SVIL: variants seen among roughly 807,000 people sequenced by gnomAD.
SVIL encodes the protein archvillin.
Under a neutral mutation model 240.4 loss-of-function variants are expected in SVIL, and 101 were observed. That is an observed-to-expected ratio of 0.42 (90% CI 0.36 to 0.50). The LOEUF is 0.50. Ranked by LOEUF, SVIL falls within the 20% of genes least tolerant of loss-of-function variation. The pLI is 0.01. For missense variants in SVIL, 2,512 were observed against 2,818.7 expected, an observed-to-expected ratio of 0.89 and a Z score of 2.46; for synonymous variants, 999 against 1,100.0, an observed-to-expected ratio of 0.91 and a Z score of 1.82.
chr10:29,604,786 C>T (rs1956956803), intron 1 of SVIL, among the ~76,000 whole-genome samples: 1 of 152,080 alleles, frequency 6.6e-6, no homozygotes, highest in Non-Finnish European at 1.5e-5. Flanking sequence ...CCAGGCTGGT[C>T]TTGAACCCCT....
chr10:29,608,902 G>A (rs572995792), intron 1 of SVIL, among the ~76,000 whole-genome samples: 33 of 152,290 alleles, frequency 2.2e-4, no homozygotes, highest in South Asian at 1.0e-3. Flanking sequence ...GGTGGAGTCC[G>A]CAACCTGGAG....
intron 1 of SVIL, among the ~76,000 whole-genome samples, chr10:29,726,338 G>C (rs898359217): frequency 3.3e-5 from 5 of 152,176 alleles, no homozygotes. Context: ...GATACATCCT[G>C]TCATTTATGG....
intron 12 of SVIL, 67 bp from the exon 13 acceptor site, chr10:29,527,123 G>A (rs1335971391): frequency 2.2e-6 from 3 of 1,374,332 alleles, no homozygotes; most frequent in Non-Finnish European, 2.0e-6. Context: ...ATTAAGGACA[G>A]CATAGTTTTA....
chr10:29,525,929 G>A (rs2132540397), intron 13 of SVIL, among the ~76,000 whole-genome samples: 1 of 152,272 alleles, frequency 6.6e-6, no homozygotes, highest in Non-Finnish European at 1.5e-5. Context: ...AACCAGGAGG[G>A]CAGGGAAACC....
intron 2 of SVIL, among the ~76,000 whole-genome samples, chr10:29,668,559 T>C (rs1589481240): frequency 6.6e-6 from 1 of 152,188 alleles, no homozygotes; most frequent in Non-Finnish European, 1.5e-5. Flanking sequence ...CTGCAACCAC[T>C]GTCTTCTGGG....
intron 1 of SVIL, among the ~76,000 whole-genome samples, chr10:29,618,098 C>T (rs1016211386): frequency 2.6e-5 from 4 of 152,170 alleles, no homozygotes; most frequent in African/African-American, 7.2e-5. Flanking sequence ...AGCTTGCTGA[C>T]GCAGGCAGCA....
intron 16 of SVIL, among the ~76,000 whole-genome samples, chr10:29,515,741 T>C (rs2505921): frequency 0.98 from 148,949 of 152,278 alleles, 72,857 homozygotes; most frequent in East Asian, 1. Flanking sequence ...TCATGAGCTC[T>C]GGTCTTTGAA....
intron 36 of SVIL, among the ~76,000 whole-genome samples, chr10:29,460,066 T>C (rs1944058886): frequency 6.6e-6 from 1 of 152,046 alleles, no homozygotes; most frequent in South Asian, 2.1e-4. Context: ...CACTGCAGCC[T>C]GGGTGACAAA....
At chr10:29,529,175 C>CAGAAAAAAAAAAAA (rs1491188568) in intron 12 of SVIL, among the ~76,000 whole-genome samples, 2 of 66,058 alleles carry the variant, frequency 3.0e-5, no homozygotes, top group African/African-American at 1.1e-4. Flanking sequence ...GACTCTCTCT[C>CAGAAAAAAAAAAAA]AAAAAAAAAA....
intron 2 of SVIL, among the ~76,000 whole-genome samples, chr10:29,668,578 A>G (rs1323114201): frequency 6.6e-6 from 1 of 152,154 alleles, no homozygotes; most frequent in Non-Finnish European, 1.5e-5. Context: ...GGTTCAAGCA[A>G]TTCTCCTGTC....
In SVIL at chr10:29,463,551, C is replaced by T. The variant is rs184409369; in HGVS notation, c.6218G>A (p.Arg2073His). The T allele has an allele frequency of 1.5e-5, 25 of 1,614,122 alleles. No individual in the cohort carries two copies. The highest frequency in any genetic ancestry group is 2.7e-5 in the African/African-American group (2 of 75,054). The change falls in exon 35 of 38, where the codon CGC (arginine) becomes CAC (histidine). Residue 2073 changes from arginine to histidine, a missense_variant. By Grantham distance (29) the Arg-to-His change is conservative (BLOSUM62 0). Around this residue, in one of 3 missense-constraint regions of SVIL, gnomAD observed 797 missense variants for 925.3 expected, o/e 0.86. Coordinates refer to ENST00000355867, the MANE Select transcript of SVIL (RefSeq NM_021738.3). ...CTTCCGGTCGGAGGCCCAGCGGATG[C>T]GGGCGGAACCAGTGATCTTGTTCTC... ...PIENKITGSA[R>H]IRWASDRKSA...
chr10:29,490,301 T>A (rs10826645), intron 22 of SVIL, among the ~76,000 whole-genome samples: 71,742 of 151,982 alleles, frequency 0.47, 18,484 homozygotes, highest in African/African-American at 0.67. Context: ...CTATAAGAGA[T>A]CAAATAACTC....
chr10:29,569,051 G>C (rs1170998550), intron 2 of SVIL, among the ~76,000 whole-genome samples: 1 of 152,222 alleles, frequency 6.6e-6, no homozygotes, highest in African/African-American at 2.4e-5. Flanking sequence ...ACAAGAGACA[G>C]CAAGATTCTG....
chr10:29,602,113 T>C (rs890939597), intron 1 of SVIL, among the ~76,000 whole-genome samples: 3 of 152,218 alleles, frequency 2.0e-5, no homozygotes, highest in African/African-American at 7.2e-5. Context: ...TTTCAATATT[T>C]TGCTTTTAAC....
chr10:29,506,822 A>AGGGACAGAGGCCCTAGAGGGAG (rs1949388059), intron 17 of SVIL, among the ~76,000 whole-genome samples: 1 of 138,266 alleles, frequency 7.2e-6, no homozygotes, highest in Non-Finnish European at 1.6e-5. Context: ...CCTACAGGGA[A>AGGGACAGAGGCCCTAGAGGGAG]GGGACAGAGG....
chr10:29,715,668 A>G (rs1369534895), intron 1 of SVIL, among the ~76,000 whole-genome samples: 1 of 152,234 alleles, frequency 6.6e-6, no homozygotes, highest in Non-Finnish European at 1.5e-5. Context: ...AAGTTGTCCA[A>G]GAGTCATGGT....
At chr10:29,607,714 T>C (rs1230689551) in intron 1 of SVIL, among the ~76,000 whole-genome samples, 1 of 152,208 alleles carries the variant, frequency 6.6e-6, no homozygotes, top group East Asian at 1.9e-4. Context: ...CCTGAAAAGA[T>C]GCCCCAAGGC....
At position 29,532,018 on chromosome 10, in the gene SVIL, G is replaced by T; in HGVS notation, c.1993C>A (p.Arg665=). The part of the protein sequence containing the change: ...FRTQPITSAE[R]KESDRCTSHS... ...CATGCCTACCTATCCGATTCCTTTCGTTCTGCTGAAGTTATAGGTTGGGTT... is the reference window on the plus strand; with the variant it reads ...CATGCCTACCTATCCGATTCCTTTCTTTCTGCTGAAGTTATAGGTTGGGTT... Residue 665 remains arginine, a synonymous_variant, in exon 9 of 38, where the codon CGA becomes AGA. Transcript: ENST00000355867. 6.2e-7 allele frequency: 1 copy of T among 1,614,140 alleles called. No homozygotes were observed. Among genetic ancestry groups the T allele is most frequent in the Non-Finnish European group, 8.5e-7 (1 of 1,180,028 alleles).
chr10:29,733,788 C>T (rs1007250625), intron 1 of SVIL, among the ~76,000 whole-genome samples: 1 of 152,196 alleles, frequency 6.6e-6, no homozygotes, highest in African/African-American at 2.4e-5. Flanking sequence ...CTGACTGTCA[C>T]GCCAGAGTTG....
Sources: gnomAD v4.1 joint callset for allele counts (sites outside exome capture counted in the v4.1 genomes callset) on GRCh38, gnomAD v4.1.1 for gene constraint, gnomAD v4.1.1 regional missense constraint, MANE v1.5 for transcripts, NCBI Gene and HGNC (gene_info 2026-07-23, HGNC 2026-07-21) for gene names.